Variants in MAF observed in about 807,000 individuals in gnomAD.
MAF encodes transcription factor Maf.
MAF carries 10 observed loss-of-function variants against 22.0 expected under a neutral mutation model. The observed-to-expected ratio is 0.45, with a 90% CI of 0.28 to 0.77. The LOEUF is 0.77. MAF is among the 30% of genes least tolerant of loss of function. The pLI, the probability that MAF is intolerant of heterozygous loss-of-function variation, is 0.12. For synonymous variants in MAF, 337 were observed against 255.8 expected, an observed-to-expected ratio of 1.32 and a Z score of -3.03; for missense variants, 544 against 548.4, an observed-to-expected ratio of 0.99 and a Z score of 0.08.
At chr16:79,502,256 G>A in the MAF span, among the ~76,000 whole-genome samples, 1 of 152,128 alleles carries the variant, frequency 6.6e-6, no homozygotes, top group African/African-American at 2.4e-5. Flanking sequence ...AAGCCTGCTG[G>A]CCTCAGGTTA....
chr16:79,298,096 C>G, the MAF span, among the ~76,000 whole-genome samples: 1 of 152,232 alleles, frequency 6.6e-6, no homozygotes, highest in African/African-American at 2.4e-5. Context: ...GAGTATTATA[C>G]CAAGGGCCGG....
At chr16:79,592,884 T>C (rs1188774585), downstream of MAF, among the ~76,000 whole-genome samples, 1 of 152,226 alleles carries the variant, frequency 6.6e-6, no homozygotes, top group Non-Finnish European at 1.5e-5. Context: ...TGGGGAACCT[T>C]GCAAATCAGC....
chr16:79,384,765 T>A, the MAF span, among the ~76,000 whole-genome samples: 547 of 151,826 alleles, frequency 3.6e-3, no homozygotes, highest in African/African-American at 0.012. Flanking sequence ...TCAAAAAAAA[T>A]AAAATAAAAT....
At chr16:79,517,384 AT>A in the MAF span, among the ~76,000 whole-genome samples, 3 of 152,160 alleles carry the variant, frequency 2.0e-5, no homozygotes, top group Admixed American at 2.0e-4. Context: ...GTTTCACTTA[AT>A]TACATAATTT....
the MAF span, among the ~76,000 whole-genome samples, chr16:79,472,935 G>A: frequency 9.9e-5 from 15 of 151,978 alleles, no homozygotes; most frequent in Non-Finnish European, 1.5e-5. Context: ...ACCGAGGCCC[G>A]GTACCATATG....
the MAF span, among the ~76,000 whole-genome samples, chr16:79,400,219 G>T: frequency 6.6e-6 from 1 of 152,184 alleles, no homozygotes; most frequent in African/African-American, 2.4e-5. Flanking sequence ...CAAAATATCA[G>T]GAGTGCCACA....
the MAF span, among the ~76,000 whole-genome samples, chr16:79,562,474 TG>T: frequency 9.0e-3 from 1,372 of 152,282 alleles, 30 homozygotes; most frequent in African/African-American, 0.032. Flanking sequence ...TTATTACCCT[TG>T]GGAAAAATAC....
At chr16:79,211,893 A>C in the MAF span, 1 of 1,566,366 alleles carries the variant, frequency 6.4e-7, no homozygotes, top group Admixed American at 1.9e-5. Context: ...CCTCCAACAC[A>C]GATCCGCAAG....
chr16:79,389,194 C>T, the MAF span, among the ~76,000 whole-genome samples: 1 of 152,172 alleles, frequency 6.6e-6, no homozygotes, highest in African/African-American at 2.4e-5. Flanking sequence ...CAACTCCTTC[C>T]CCACCACTGT....
chr16:79,371,199 C>T, the MAF span, among the ~76,000 whole-genome samples: 1 of 151,872 alleles, frequency 6.6e-6, no homozygotes, highest in Admixed American at 6.6e-5. Context: ...TTGACTGTTG[C>T]CTCTTCAACA....
At chr16:79,450,771 A>G in the MAF span, among the ~76,000 whole-genome samples, 2 of 151,994 alleles carry the variant, frequency 1.3e-5, no homozygotes, top group Admixed American at 1.3e-4. Flanking sequence ...AAATTAAGAG[A>G]GAAACAAGGA....
At chr16:79,379,200 C>G in the MAF span, among the ~76,000 whole-genome samples, 1 of 152,154 alleles carries the variant, frequency 6.6e-6, no homozygotes, top group Non-Finnish European at 1.5e-5. Context: ...CAGCTCTCAT[C>G]TTGCCTGTCA....
At chr16:79,551,239 T>A in the MAF span, among the ~76,000 whole-genome samples, 4 of 151,496 alleles carry the variant, frequency 2.6e-5, no homozygotes, top group African/African-American at 9.7e-5. Flanking sequence ...CCCACTGGAG[T>A]CAGACTGTAC....
the MAF span, among the ~76,000 whole-genome samples, chr16:79,343,511 G>A: frequency 2.6e-5 from 4 of 152,130 alleles, no homozygotes; most frequent in East Asian, 1.9e-4. Flanking sequence ...AACCATAATC[G>A]TAAATGGAAA....
the MAF span, among the ~76,000 whole-genome samples, chr16:79,280,551 T>G: frequency 6.7e-4 from 102 of 152,302 alleles, no homozygotes; most frequent in African/African-American, 2.3e-3. Flanking sequence ...GAGGGATCAC[T>G]TGCATATGTG....
the MAF span, among the ~76,000 whole-genome samples, chr16:79,521,773 G>C: frequency 1.3e-5 from 2 of 152,146 alleles, no homozygotes; most frequent in Non-Finnish European, 2.9e-5. Flanking sequence ...ATTTCAAACA[G>C]TTACTGAATA....
chr16:79,599,793 A>G lies in MAF; in HGVS notation c.110T>C (p.Val37Ala). The G allele has an allele frequency of 1.2e-6, 2 of 1,613,046 alleles. No homozygotes were observed. The highest frequency in any genetic ancestry group is 1.7e-6 in the Non-Finnish European group (2 of 1,179,924). ...CTGGCTGATGATGCGGTCGGTCTCC[A>G]CCGGTTCCTTTTTCACTTCAAACTT... The part of the protein sequence containing the change: ...LMKFEVKKEP[V>A]ETDRIISQCG... The change falls in exon 1 of 2, where the codon GTG (valine) becomes GCG (alanine). Residue 37 changes from valine (V) to alanine (A), a missense_variant. This residue lies in a region of MAF where 63 missense variants were observed against 72.7 expected (regional missense o/e 0.87). Coordinates refer to ENST00000326043, the MANE Select transcript of MAF (RefSeq NM_005360.5).
the MAF span, among the ~76,000 whole-genome samples, chr16:79,411,860 G>A: frequency 2.0e-5 from 3 of 152,106 alleles, no homozygotes; most frequent in Non-Finnish European, 2.9e-5. Flanking sequence ...GGCAACCTCG[G>A]CACTCATTTC....
chr16:79,435,006 G>A, the MAF span, among the ~76,000 whole-genome samples: 1 of 152,170 alleles, frequency 6.6e-6, no homozygotes, highest in African/African-American at 2.4e-5. Flanking sequence ...TCTGTTGGGA[G>A]TGATCACTTC....
Sources: allele counts gnomAD v4.1 joint callset (sites outside exome capture counted in the v4.1 genomes callset), GRCh38; gene constraint gnomAD v4.1.1; regional missense constraint gnomAD v4.1.1; transcripts MANE v1.5; gene names NCBI Gene and HGNC (gene_info 2026-07-23, HGNC 2026-07-21).